The following PRRG1 variants were observed in gnomAD, a reference collection of about 807,000 sequenced individuals.
PRRG1 encodes transmembrane gamma-carboxyglutamic acid protein 1.
In PRRG1, 5 loss-of-function variants were observed where a neutral mutation model predicts 11.8. That is an observed-to-expected ratio of 0.42 (90% CI 0.22 to 0.89). The LOEUF is 0.89. Ranked by LOEUF, PRRG1 falls within the 40% of genes least tolerant of loss-of-function variation. The probability of loss-of-function intolerance (pLI) is 0.28; values close to 1 mark genes in which losing one functional copy is unlikely to be tolerated. For synonymous variants in PRRG1, 66 were observed against 60.4 expected (o/e 1.09, Z -0.43); for missense variants, 155 against 166.1 (o/e 0.93, Z 0.37).
At chrX:37,428,928 C>T (rs1292641237) in intron 3 of PRRG1, among the ~76,000 whole-genome samples, 3 of 112,738 alleles carry the variant, frequency 2.7e-5, no homozygotes, top group Admixed American at 9.3e-5. Flanking sequence ...TGTGCACCTG[C>T]AGGCTCAACA....
chrX:37,357,944 A>G (rs1455058965), intron 1 of PRRG1, among the ~76,000 whole-genome samples: 1 of 112,152 alleles, frequency 8.9e-6, no homozygotes, highest in East Asian at 2.8e-4. Context: ...GGCCATTTTA[A>G]TAGATGTGTA....
intron 2 of PRRG1, among the ~76,000 whole-genome samples, chrX:37,422,111 C>A (rs927805471): frequency 7.1e-5 from 8 of 112,041 alleles, no homozygotes; most frequent in African/African-American, 2.6e-4. Context: ...CTAAATTAGA[C>A]TGCTTTCTGG....
At chrX:37,434,373 A>G (rs1334262423) in intron 3 of PRRG1, among the ~76,000 whole-genome samples, 1 of 112,257 alleles carries the variant, frequency 8.9e-6, no homozygotes, top group African/African-American at 3.2e-5. Context: ...AGTATATACA[A>G]CAATGAATAG....
chrX:37,425,878 C>T lies in PRRG1; in HGVS notation c.49C>T (p.Arg17Cys), dbSNP rs1556388245. 9.2e-6 allele frequency: 11 copies of T among 1,195,868 alleles called. No homozygotes were observed. The highest frequency in any genetic ancestry group is 1.8e-5 in the African/African-American group (1 of 56,548). ...TGEKANSILK[R>C]YPRANGFFEE... The stretch of plus-strand genomic sequence containing the variant: ...AGAAAAAGCCAATTCCATATTAAAA[C>T]GCTACCCAAGAGCTAATGGGTTTTT... Residue 17 changes from arginine (R) to cysteine (C), a missense_variant, in exon 3 of 4, where the codon CGC (arginine) becomes TGC (cysteine). By Grantham distance (180) the Arg-to-Cys change is radical (BLOSUM62 -3). Coordinates refer to ENST00000378628, the MANE Select transcript of PRRG1 (RefSeq NM_001142395.2).
intron 1 of PRRG1, among the ~76,000 whole-genome samples, chrX:37,395,876 A>G (rs1931697532): frequency 8.9e-6 from 1 of 111,842 alleles, no homozygotes; most frequent in Non-Finnish European, 1.9e-5. Context: ...ATATTATAAC[A>G]TAGTAATTAT....
intron 1 of PRRG1, among the ~76,000 whole-genome samples, chrX:37,404,967 G>A (rs1556381591): frequency 8.9e-6 from 1 of 111,801 alleles, no homozygotes; most frequent in African/African-American, 3.2e-5. Context: ...CCTGAGAAAC[G>A]CCCATCGCTT....
At chrX:37,349,536 C>T (rs1569432067) in intron 1 of PRRG1, 141 bp downstream of exon 1, 1 of 112,482 alleles carries the variant, frequency 8.9e-6, no homozygotes, top group Non-Finnish European at 1.9e-5. Context: ...TTGGTAGCGA[C>T]GCTGCCTGTG....
chrX:37,387,501 G>A (rs1931363950), intron 1 of PRRG1, among the ~76,000 whole-genome samples: 1 of 111,498 alleles, frequency 9.0e-6, no homozygotes, highest in South Asian at 3.8e-4. Context: ...CGTGGCAGAA[G>A]GCGAAGAGCC....
chrX:37,391,647 T>A (rs1601993848), intron 1 of PRRG1, among the ~76,000 whole-genome samples: 1 of 111,618 alleles, frequency 9.0e-6, no homozygotes, highest in Non-Finnish European at 1.9e-5. Context: ...GCTGAATGTA[T>A]AGATTTATTG....
chrX:37,399,474 G>A (rs1931868657), intron 1 of PRRG1, among the ~76,000 whole-genome samples: 3 of 110,431 alleles, frequency 2.7e-5, no homozygotes, highest in African/African-American at 9.9e-5. Flanking sequence ...AAGAGCTCCT[G>A]AAGGAAGCAC....
chrX:37,451,967 C>T (rs1235476779), intron 3 of PRRG1, among the ~76,000 whole-genome samples: 10 of 111,878 alleles, frequency 8.9e-5, no homozygotes, highest in African/African-American at 2.9e-4. Context: ...TGAGCTAACT[C>T]CTCTCCCCAG....
intron 1 of PRRG1, among the ~76,000 whole-genome samples, chrX:37,365,044 G>A (rs782627280): frequency 1.3e-4 from 14 of 111,657 alleles, no homozygotes; most frequent in South Asian, 3.8e-4. Context: ...TAGTATTGAC[G>A]GAAGCTATGA....
intron 1 of PRRG1, among the ~76,000 whole-genome samples, chrX:37,380,072 T>C (rs1440490144): frequency 9.0e-6 from 1 of 111,659 alleles, no homozygotes; most frequent in Non-Finnish European, 1.9e-5. Flanking sequence ...TAACAGTGGC[T>C]TTAGGATTTA....
intron 3 of PRRG1, among the ~76,000 whole-genome samples, chrX:37,428,067 C>A (rs1243352816): frequency 9.0e-6 from 1 of 111,125 alleles, no homozygotes; most frequent in Non-Finnish European, 1.9e-5. Context: ...ACGGGAAAGA[C>A]TGGCCCCCAT....
At chrX:37,394,767 A>G (rs782054801) in intron 1 of PRRG1, among the ~76,000 whole-genome samples, 2 of 109,908 alleles carry the variant, frequency 1.8e-5, no homozygotes, top group South Asian at 8.1e-4. Context: ...TGGCAAAGGA[A>G]CTCTTAGAGA....
chrX:37,418,899 C>T (rs1458084082), intron 2 of PRRG1, among the ~76,000 whole-genome samples: 4 of 111,971 alleles, frequency 3.6e-5, no homozygotes, highest in African/African-American at 1.3e-4. Context: ...GCTTTGAAGT[C>T]TCAGGAGCCA....
At chrX:37,374,911 G>C (rs962154320) in intron 1 of PRRG1, among the ~76,000 whole-genome samples, 16 of 111,061 alleles carry the variant, frequency 1.4e-4, no homozygotes, top group African/African-American at 4.9e-4. Flanking sequence ...ATGATGTATT[G>C]GGTAAAAGGA....
chrX:37,383,145 G>A (rs1459610724), intron 1 of PRRG1, among the ~76,000 whole-genome samples: 1 of 111,920 alleles, frequency 8.9e-6, no homozygotes, highest in Non-Finnish European at 1.9e-5. Context: ...ATACTAGTTT[G>A]CAAAGGGAAA....
At chrX:37,351,356 G>A (rs1407207911) in intron 1 of PRRG1, among the ~76,000 whole-genome samples, 1 of 110,020 alleles carries the variant, frequency 9.1e-6, no homozygotes, top group Admixed American at 9.6e-5. Flanking sequence ...TTAGCCGGGC[G>A]TGGTGGTGGG....
Sources: allele counts gnomAD v4.1 joint callset (sites outside exome capture counted in the v4.1 genomes callset), GRCh38; gene constraint gnomAD v4.1.1; transcripts MANE v1.5; gene names NCBI Gene and HGNC (gene_info 2026-07-23, HGNC 2026-07-21).